SUSD1: variants seen among roughly 807,000 people sequenced by gnomAD.
SUSD1 encodes sushi domain-containing protein 1.
A neutral mutation model predicts 86.9 loss-of-function variants in SUSD1; 65 were observed. That is an observed-to-expected ratio of 0.75 (90% CI 0.61 to 0.92). The LOEUF is 0.92. SUSD1 is among the 40% of genes least tolerant of loss of function. The pLI is 0.00. For missense variants in SUSD1, 850 were observed against 929.7 expected (o/e 0.91, Z 1.11); for synonymous variants, 346 against 350.0 (o/e 0.99, Z 0.13).
At chr9:112,120,110 T>G (rs1199410189) in intron 6 of SUSD1, among the ~76,000 whole-genome samples, 1 of 152,194 alleles carries the variant, frequency 6.6e-6, no homozygotes, top group Non-Finnish European at 1.5e-5. Flanking sequence ...GAGACCGGCC[T>G]GGGCAACATA....
chr9:112,077,879 T>C (rs1232697526), intron 12 of SUSD1, among the ~76,000 whole-genome samples: 2 of 152,176 alleles, frequency 1.3e-5, no homozygotes, highest in Non-Finnish European at 2.9e-5. Context: ...CAAGCATTTT[T>C]TGTTTAAGTA....
intron 5 of SUSD1, among the ~76,000 whole-genome samples, chr9:112,134,220 T>C (rs1422578323): frequency 1.3e-5 from 2 of 152,058 alleles, no homozygotes; most frequent in Admixed American, 6.5e-5. Flanking sequence ...CTGGTATATA[T>C]CCAAAAGAAA....
At chr9:112,149,125 A>G in intron 3 of SUSD1, 119 bp downstream of exon 3, 1 of 1,376,664 alleles carries the variant, frequency 7.3e-7, no homozygotes, top group Non-Finnish European at 1.0e-6. Flanking sequence ...CCTATATACC[A>G]CAATACCATT....
At chr9:112,108,135 G>A (rs1363849925) in intron 8 of SUSD1, among the ~76,000 whole-genome samples, 1 of 152,106 alleles carries the variant, frequency 6.6e-6, no homozygotes, top group Non-Finnish European at 1.5e-5. Context: ...ATTATTCAAA[G>A]GGGAAATCAG....
At chr9:112,125,353 T>A (rs1273987617) in intron 5 of SUSD1, among the ~76,000 whole-genome samples, 1 of 152,032 alleles carries the variant, frequency 6.6e-6, no homozygotes, top group Non-Finnish European at 1.5e-5. Flanking sequence ...TAAAAATAAA[T>A]TTTCAAATTA....
chr9:112,127,089 T>C (rs140426232), intron 5 of SUSD1, among the ~76,000 whole-genome samples: 66 of 152,160 alleles, frequency 4.3e-4, no homozygotes, highest in Non-Finnish European at 8.5e-4. Flanking sequence ...TCTCGAAAGT[T>C]GGCCGGGCAC....
At chr9:112,148,771 T>C (rs1036362273) in intron 3 of SUSD1, among the ~76,000 whole-genome samples, 1 of 151,932 alleles carries the variant, frequency 6.6e-6, no homozygotes, top group African/African-American at 2.4e-5. Flanking sequence ...CTGAGCATGG[T>C]GGTGCGTGCC....
At chr9:112,136,224 T>C (rs1041327351) in intron 5 of SUSD1, among the ~76,000 whole-genome samples, 7 of 152,144 alleles carry the variant, frequency 4.6e-5, no homozygotes, top group African/African-American at 1.7e-4. Context: ...TTTTTAATTT[T>C]TATTTATTTA....
Position 112,113,232 on chromosome 9 carries a change from G to A in SUSD1, c.887-364C>T, listed in dbSNP as rs908553711. ...TGAGACCTTCCCTGCAACTGCACAGGTAAGACCTACTTCCACCTTTCTCTT... is the reference window on the plus strand; with the variant it reads ...TGAGACCTTCCCTGCAACTGCACAGATAAGACCTACTTCCACCTTTCTCTT... On this transcript the variant is annotated intron_variant, in intron 6 of 16. Coordinates refer to ENST00000374270, the MANE Select transcript of SUSD1 (RefSeq NM_022486.5). This position sits in a 1 kb window ranked among gnomAD's most constrained non-coding sequence, Gnocchi z 4.1. Among the ~76,000 whole-genome samples the A allele has an allele frequency of 6.6e-6, 1 of 152,162 alleles. No individual in the cohort carries two copies. The highest frequency in any genetic ancestry group is 1.5e-5 in the Non-Finnish European group (1 of 68,026).
intron 15 of SUSD1, among the ~76,000 whole-genome samples, chr9:112,047,030 TC>T (rs1827985056): frequency 6.6e-6 from 1 of 152,238 alleles, no homozygotes. Flanking sequence ...CCTGTATTAG[TC>T]CCTTCTCACA....
intron 8 of SUSD1, among the ~76,000 whole-genome samples, chr9:112,105,676 G>A (rs1830808284): frequency 1.3e-5 from 2 of 152,084 alleles, no homozygotes; most frequent in Admixed American, 6.5e-5. Context: ...CCAATATCAC[G>A]CCACTGCACA....
intron 6 of SUSD1, among the ~76,000 whole-genome samples, chr9:112,115,408 G>C (rs560198456): frequency 4.7e-4 from 71 of 152,324 alleles, no homozygotes; most frequent in African/African-American, 1.6e-3. Flanking sequence ...GCAAACTCCT[G>C]CCGAGATACC....
At chr9:112,052,768 G>A (rs1828275103) in intron 14 of SUSD1, among the ~76,000 whole-genome samples, 1 of 152,178 alleles carries the variant, frequency 6.6e-6, no homozygotes, top group Non-Finnish European at 1.5e-5. Context: ...ACCGCCTAGA[G>A]AATTATGCTG....
Position 112,113,232 on chromosome 9 carries a change from G to GT in SUSD1, c.887-365dup, listed in dbSNP as rs1319595205. ...TGAGACCTTCCCTGCAACTGCACAG[G>GT]TAAGACCTACTTCCACCTTTCTCTT... On this transcript the variant is annotated intron_variant, in intron 6 of 16. Coordinates refer to ENST00000374270, the MANE Select transcript of SUSD1 (RefSeq NM_022486.5). The surrounding 1 kb of genome is among the most constrained non-coding windows in gnomAD (Gnocchi z 4.1). 6.6e-6 allele frequency among the ~76,000 whole-genome samples: 1 copy of GT among 152,162 alleles called. No individual in the cohort carries two copies. Among genetic ancestry groups the GT allele is most frequent in the East Asian group, 1.9e-4 (1 of 5,200 alleles).
At chr9:112,093,208 A>T (rs1178905868) in intron 10 of SUSD1, among the ~76,000 whole-genome samples, 1 of 152,208 alleles carries the variant, frequency 6.6e-6, no homozygotes, top group Non-Finnish European at 1.5e-5. Context: ...CTATATGTTA[A>T]TCCTCAAGGA....
chr9:112,173,416 C>T (rs985775830), intron 1 of SUSD1: 1 of 156,202 alleles, frequency 6.4e-6, no homozygotes, highest in Non-Finnish European at 1.4e-5. Flanking sequence ...CTCTTTCCCC[C>T]GCCTCAAGTT....
At chr9:112,107,789 A>T (rs1389310588) in intron 8 of SUSD1, among the ~76,000 whole-genome samples, 1 of 152,250 alleles carries the variant, frequency 6.6e-6, no homozygotes, top group Non-Finnish European at 1.5e-5. Context: ...AGTCATGAAC[A>T]TAAAAATCAT....
At chr9:112,152,559 T>G (rs1217056318) in intron 2 of SUSD1, among the ~76,000 whole-genome samples, 1 of 140,986 alleles carries the variant, frequency 7.1e-6, no homozygotes, top group Non-Finnish European at 1.5e-5. Flanking sequence ...ACTGCTACTG[T>G]GCCTGGATAA....
intron 5 of SUSD1, among the ~76,000 whole-genome samples, chr9:112,131,246 A>C (rs992314126): frequency 2.0e-5 from 3 of 152,200 alleles, no homozygotes; most frequent in Non-Finnish European, 4.4e-5. Flanking sequence ...CTAGGCCCTG[A>C]CTTGGTTCTC....
Sources: gnomAD v4.1 joint callset for allele counts (sites outside exome capture counted in the v4.1 genomes callset) on GRCh38, gnomAD v4.1.1 for gene constraint, Gnocchi (gnomAD v3.1) non-coding constraint, MANE v1.5 for transcripts, NCBI Gene and HGNC (gene_info 2026-07-23, HGNC 2026-07-21) for gene names.